The following ARHGAP32 variants were observed in gnomAD, a reference collection of about 807,000 sequenced individuals.
ARHGAP32 encodes Rho GTPase activating protein 32.
In ARHGAP32, 51 loss-of-function variants were observed where a neutral mutation model predicts 186.5. The ratio of observed to expected loss-of-function variants is 0.27; its 90% CI spans 0.22 to 0.35. ARHGAP32 has a LOEUF of 0.35. ARHGAP32 is among the 10% of genes least tolerant of loss of function. ARHGAP32 has a pLI of 1.00. For missense variants in ARHGAP32, 2,186 were observed against 2,623.5 expected, an observed-to-expected ratio of 0.83 and a Z score of 3.64; for synonymous variants, 950 against 964.3, an observed-to-expected ratio of 0.99 and a Z score of 0.27.
At chr11:129,091,160 G>A (rs1023560793) in intron 6 of ARHGAP32, among the ~76,000 whole-genome samples, 8 of 152,066 alleles carry the variant, frequency 5.3e-5, no homozygotes, top group African/African-American at 1.9e-4. Flanking sequence ...TTTATCCATG[G>A]CTAGTATTCA....
chr11:129,161,535 C>A (rs572695782), intron 2 of ARHGAP32, among the ~76,000 whole-genome samples: 4 of 151,700 alleles, frequency 2.6e-5, no homozygotes, highest in South Asian at 2.1e-4. Flanking sequence ...ATGTGGCCAA[C>A]AAACATGAAA....
At chr11:129,182,493 A>T (rs1944077215) in intron 1 of ARHGAP32, among the ~76,000 whole-genome samples, 1 of 151,848 alleles carries the variant, frequency 6.6e-6, no homozygotes. Flanking sequence ...TGTAATGTAG[A>T]TATTTTATGT....
intron 2 of ARHGAP32, among the ~76,000 whole-genome samples, chr11:129,128,385 A>G (rs1942711946): frequency 6.6e-6 from 1 of 152,202 alleles, no homozygotes. Flanking sequence ...CACAATCCCC[A>G]TTAAAACACT....
chr11:129,144,521 T>C (rs1411521234), intron 2 of ARHGAP32, among the ~76,000 whole-genome samples: 1 of 152,128 alleles, frequency 6.6e-6, no homozygotes, highest in Non-Finnish European at 1.5e-5. Context: ...TGTCTTAATA[T>C]CTGGGCACCA....
chr11:129,076,813 T>C (rs1313441065), intron 6 of ARHGAP32, among the ~76,000 whole-genome samples: 1 of 152,158 alleles, frequency 6.6e-6, no homozygotes, highest in Non-Finnish European at 1.5e-5. Flanking sequence ...GCTCACATCA[T>C]GAACTCTTCC....
intron 5 of ARHGAP32, among the ~76,000 whole-genome samples, chr11:129,117,257 TA>T (rs560537653): frequency 6.6e-6 from 1 of 151,986 alleles, no homozygotes; most frequent in South Asian, 2.1e-4. Context: ...AGTAAGTTCT[TA>T]AACTCTTTTT....
chr11:129,271,622 A>G (rs1410679381), intron 1 of ARHGAP32, among the ~76,000 whole-genome samples: 1 of 152,212 alleles, frequency 6.6e-6, no homozygotes, highest in Admixed American at 6.5e-5. Context: ...TTTGAGCCTC[A>G]TCGGCATATA....
intron 6 of ARHGAP32, among the ~76,000 whole-genome samples, chr11:129,080,754 A>G (rs947737158): frequency 1.2e-4 from 19 of 152,060 alleles, no homozygotes; most frequent in African/African-American, 4.6e-4. Flanking sequence ...AACCAAGATC[A>G]GAGCAGAACT....
chr11:128,993,908 C>CA (rs568087984), intron 12 of ARHGAP32, among the ~76,000 whole-genome samples: 7 of 151,692 alleles, frequency 4.6e-5, no homozygotes, highest in East Asian at 1.9e-4. Context: ...AAATCAATGA[C>CA]AAAAAATCAA....
intron 5 of ARHGAP32, among the ~76,000 whole-genome samples, chr11:129,112,121 T>C (rs1942235949): frequency 6.6e-6 from 1 of 152,048 alleles, no homozygotes; most frequent in African/African-American, 2.4e-5. Flanking sequence ...CTTGCACCTG[T>C]AGTCCCAGCT....
At chr11:129,154,390 A>G (rs1249756461) in intron 2 of ARHGAP32, among the ~76,000 whole-genome samples, 1 of 152,198 alleles carries the variant, frequency 6.6e-6, no homozygotes, top group East Asian at 1.9e-4. Context: ...ATCTCTACCC[A>G]GAAGAAAAGA....
intron 5 of ARHGAP32, among the ~76,000 whole-genome samples, chr11:129,117,454 C>T (rs529170847): frequency 6.6e-6 from 1 of 152,058 alleles, no homozygotes; most frequent in South Asian, 2.1e-4. Flanking sequence ...TATTACCCCT[C>T]AATATTCCTA....
chr11:129,095,278 G>T (rs1244797329), intron 5 of ARHGAP32, among the ~76,000 whole-genome samples: 1 of 152,148 alleles, frequency 6.6e-6, no homozygotes, highest in Non-Finnish European at 1.5e-5. Context: ...AGATACAAGA[G>T]AAAAAAGAAT....
intron 6 of ARHGAP32, among the ~76,000 whole-genome samples, chr11:129,077,910 A>G (rs1941097348): frequency 6.6e-6 from 1 of 152,222 alleles, no homozygotes; most frequent in Admixed American, 6.5e-5. Flanking sequence ...AACTGCTCTA[A>G]GAAAGGAGAA....
Position 129,075,057 on chromosome 11 carries a change from A to G in ARHGAP32, c.532-8189T>C, listed in dbSNP as rs1213728998. Among the ~76,000 whole-genome samples the G allele has an allele frequency of 3.9e-5, 6 of 152,270 alleles. No homozygotes were observed. In the East Asian group the frequency reaches 1.2e-3, roughly 29 times the overall value. ...ATTATATATATCACAATAAAGTTGGAAAAAAACACACAAAAAGGAGACAAA... is the reference window on the plus strand; with the variant it reads ...ATTATATATATCACAATAAAGTTGGGAAAAAACACACAAAAAGGAGACAAA... On this transcript the variant is annotated intron_variant, in intron 6 of 22. Coordinates refer to ENST00000682385, the MANE Select transcript of ARHGAP32 (RefSeq NM_001378024.1).
At chr11:129,126,659 C>T (rs1219795698) in intron 2 of ARHGAP32, among the ~76,000 whole-genome samples, 2 of 151,994 alleles carry the variant, frequency 1.3e-5, no homozygotes, top group Admixed American at 6.6e-5. Context: ...AAAACAACCA[C>T]GTACATGATA....
intron 1 of ARHGAP32, among the ~76,000 whole-genome samples, chr11:129,172,858 T>C (rs187045828): frequency 1.3e-5 from 2 of 151,490 alleles, no homozygotes; most frequent in Non-Finnish European, 2.9e-5. Context: ...AGATCTCAAA[T>C]GGACACCCGA....
chr11:129,193,741 TATATAATAC>T (rs1401550792), upstream of ARHGAP32, among the ~76,000 whole-genome samples: 20 of 105,510 alleles, frequency 1.9e-4, no homozygotes, highest in South Asian at 2.5e-4. Flanking sequence ...TAATATATAT[TATATAATAC>T]ATATAATACA....
chr11:129,096,238 A>G (rs1941724566), intron 5 of ARHGAP32, among the ~76,000 whole-genome samples: 1 of 152,212 alleles, frequency 6.6e-6, no homozygotes. Context: ...TAAGAAAGAG[A>G]ATGTAAATTA....
Sources: gnomAD v4.1 joint callset for allele counts (sites outside exome capture counted in the v4.1 genomes callset) on GRCh38, gnomAD v4.1.1 for gene constraint, MANE v1.5 for transcripts, NCBI Gene and HGNC (gene_info 2026-07-23, HGNC 2026-07-21) for gene names.